Variants in CPXM2 observed in about 807,000 individuals in gnomAD.
CPXM2 encodes carboxypeptidase X, M14 family member 2, also known as inactive carboxypeptidase-like protein X2.
Under a neutral mutation model 86.1 loss-of-function variants are expected in CPXM2, and 66 were observed. That is an observed-to-expected ratio of 0.77 (90% CI 0.63 to 0.94). The LOEUF (loss-of-function observed/expected upper bound fraction) is 0.94. Among genes scored for constraint, CPXM2 ranks in the 40% least tolerant of loss-of-function variants. The pLI is 0.00. For synonymous variants in CPXM2, 388 were observed against 400.2 expected, an observed-to-expected ratio of 0.97 and a Z score of 0.36; for missense variants, 948 against 1,026.3, an observed-to-expected ratio of 0.92 and a Z score of 1.04.
At chr10:123,842,213 T>G in intron 4 of CPXM2, 136 bp downstream of exon 4, 1 of 1,174,896 alleles carries the variant, frequency 8.5e-7, no homozygotes, top group Non-Finnish European at 1.2e-6. Flanking sequence ...CAGCCTCCTG[T>G]TCATATTCCA....
At position 123,768,376 on chromosome 10, in the gene CPXM2, AAAATAAATAAATAAATAAAT is replaced by A. The variant is rs57827983; in HGVS notation, c.1299+130_1299+149del. On this transcript the variant is annotated intron_variant, in intron 9 of 13. Coordinates refer to ENST00000241305, the MANE Select transcript of CPXM2 (RefSeq NM_198148.3). ...GCAACAGAGGGAGACTCCGACTCAA[AAAATAAATAAATAAATAAAT>A]AAATAAATAAATAAATAAATAAATA... 238 of 320,098 alleles carry A rather than the reference AAAATAAATAAATAAATAAAT, an allele frequency of 7.4e-4. 6 individuals are homozygous for A. Among genetic ancestry groups the A allele is most frequent in the South Asian group, 3.1e-3 (24 of 7,808 alleles). The allele number at this position is 320,098 out of a possible 1,614,324, so 19.8% of individuals were successfully genotyped here.
At chr10:123,943,828 G>A (rs1590134601), upstream of CPXM2, among the ~76,000 whole-genome samples, 1 of 152,322 alleles carries the variant, frequency 6.6e-6, no homozygotes, top group East Asian at 1.9e-4. Context: ...CACTGTCCTG[G>A]TCCTCTTCCC....
intron 4 of CPXM2, among the ~76,000 whole-genome samples, chr10:123,835,499 T>G (rs552272597): frequency 6.6e-6 from 1 of 152,286 alleles, no homozygotes; most frequent in African/African-American, 2.4e-5. Flanking sequence ...CTACTTGAAC[T>G]TAGAGATGTT....
intron 9 of CPXM2, 138 bp downstream of exon 9, chr10:123,768,386 AAT>A (rs1465488813): frequency 1.2e-3 from 172 of 147,486 alleles, no homozygotes; most frequent in Non-Finnish European, 1.8e-3. Flanking sequence ...AAAATAAATA[AAT>A]AAATAAATAA....
At chr10:123,933,332 CT>C in intron 2 of CPXM2, among the ~76,000 whole-genome samples, 1 of 152,312 alleles carries the variant, frequency 6.6e-6, no homozygotes, top group Middle Eastern at 3.4e-3. Flanking sequence ...TGTTCTGATC[CT>C]TTGACGGCAG....
intron 2 of CPXM2, among the ~76,000 whole-genome samples, chr10:123,905,336 T>C (rs1463989255): frequency 6.6e-6 from 1 of 152,196 alleles, no homozygotes. Flanking sequence ...TGTGACCTTC[T>C]GATAAAGCCA....
rs1355476857 is a variant in CPXM2, at chr10:123,757,275, C to T, written c.1855G>A (p.Glu619Lys). The T allele has an allele frequency of 2.9e-5, 46 of 1,613,860 alleles. No individual in the cohort carries two copies. Among genetic ancestry groups the T allele is most frequent in the Non-Finnish European group, 3.9e-5 (46 of 1,179,732 alleles). Reference sequence around the variant, plus strand: ...TCCCACTCCTCGGGCAGCTGGCTCTCATGTGGGTATTTATCACAGCCCACG... The same window carrying T: ...TCCCACTCCTCGGGCAGCTGGCTCTTATGTGGGTATTTATCACAGCCCACG... ...IYVGCDKYPH[E>K]SQLPEEWENN... Residue 619 changes from glutamate (E) to lysine (K), a missense_variant, in exon 12 of 14, where the codon GAG becomes AAG. Glu to Lys is a moderately conservative substitution (Grantham distance 56). Coordinates refer to ENST00000241305, the MANE Select transcript of CPXM2 (RefSeq NM_198148.3).
intron 2 of CPXM2, among the ~76,000 whole-genome samples, chr10:123,904,443 A>G (rs1056619098): frequency 6.6e-6 from 1 of 152,226 alleles, no homozygotes; most frequent in East Asian, 1.9e-4. Context: ...AAGTGGGTAT[A>G]ACAATCGTTC....
chr10:123,910,077 G>GCT (rs1945475687), intron 2 of CPXM2, among the ~76,000 whole-genome samples: 1 of 151,956 alleles, frequency 6.6e-6, no homozygotes, highest in Non-Finnish European at 1.5e-5. Context: ...ACCATAGACA[G>GCT]GTGGGGCCAC....
chr10:123,855,189 CTGTT>C lies in CPXM2; in HGVS notation c.513+7421_513+7424del, dbSNP rs151119242. 1.8e-4 allele frequency among the ~76,000 whole-genome samples: 27 copies of C among 152,274 alleles called. No homozygotes were observed. In the Middle Eastern group the frequency reaches 0.01, roughly 58 times the overall value. Reference sequence around the variant, plus strand: ...TGGCATCCAAACACTGTCTCCCAGACTGTTTGCTTGAAGCCAGATGTAGAACAAA... The same window carrying C: ...TGGCATCCAAACACTGTCTCCCAGACTGCTTGAAGCCAGATGTAGAACAAA... On this transcript the variant is annotated intron_variant, in intron 3 of 13. Transcript: ENST00000241305.
chr10:123,864,074 G>A (rs1293421426), intron 2 of CPXM2, among the ~76,000 whole-genome samples: 1 of 152,094 alleles, frequency 6.6e-6, no homozygotes. Flanking sequence ...TGAAGCTCTT[G>A]GGCTCCCTAA....
At chr10:123,912,393 G>T (rs1422929790) in intron 2 of CPXM2, among the ~76,000 whole-genome samples, 1 of 151,906 alleles carries the variant, frequency 6.6e-6, no homozygotes, top group Admixed American at 6.6e-5. Flanking sequence ...GAAAAGTGAG[G>T]CCTGTTGCAC....
chr10:123,822,292 A>G (rs1013851029), intron 4 of CPXM2, among the ~76,000 whole-genome samples: 3 of 152,142 alleles, frequency 2.0e-5, no homozygotes, highest in African/African-American at 7.2e-5. Context: ...AATCTTTCTC[A>G]TACTAGCATA....
At chr10:123,779,575 T>C (rs987447060) in intron 7 of CPXM2, among the ~76,000 whole-genome samples, 1 of 152,220 alleles carries the variant, frequency 6.6e-6, no homozygotes, top group Admixed American at 6.5e-5. Context: ...TCTACTTTAA[T>C]TGGCCTGAGA....
chr10:123,908,395 A>G (rs1002731939), intron 2 of CPXM2, among the ~76,000 whole-genome samples: 1 of 152,202 alleles, frequency 6.6e-6, no homozygotes, highest in Non-Finnish European at 1.5e-5. Flanking sequence ...CTGTTTGCAG[A>G]TAAGCCAGAT....
rs1590095607 is a variant in CPXM2, at chr10:123,880,355, C to G, written c.305-46G>C. The stretch of plus-strand genomic sequence containing the variant: ...GCCTTTACTTTCACATACATCAGAG[C>G]TGGTTCAAGATGCTAAGAGTTCAAC... On this transcript the variant is annotated intron_variant, in intron 1 of 13. Transcript: ENST00000241305. 3 of 854,824 alleles carry G rather than the reference C, an allele frequency of 3.5e-6. No homozygotes were observed. The East Asian group carries it at 7.2e-5, about 21-fold the overall frequency. 53.0% of individuals were successfully genotyped at this position (854,824 alleles called of 1,614,324 possible).
At chr10:123,894,273 C>T (rs536783174), upstream of CPXM2, among the ~76,000 whole-genome samples, 8 of 152,316 alleles carry the variant, frequency 5.3e-5, no homozygotes, top group African/African-American at 1.9e-4. Flanking sequence ...ACCCGCTCTG[C>T]AGTGTCTGGT....
chr10:123,773,958 C>G (rs868236635), intron 7 of CPXM2, among the ~76,000 whole-genome samples: 3 of 152,186 alleles, frequency 2.0e-5, no homozygotes, highest in African/African-American at 4.8e-5. Context: ...CCTTGCCTCG[C>G]GTCACTGAAT....
intron 4 of CPXM2, among the ~76,000 whole-genome samples, chr10:123,827,480 C>G (rs189238150): frequency 6.6e-6 from 1 of 152,040 alleles, no homozygotes; most frequent in Non-Finnish European, 1.5e-5. Context: ...AATACTTAGA[C>G]GTAAACCTAA....
Sources: allele counts gnomAD v4.1 joint callset (sites outside exome capture counted in the v4.1 genomes callset), GRCh38; gene constraint gnomAD v4.1.1; transcripts MANE v1.5; gene names NCBI Gene and HGNC (gene_info 2026-07-23, HGNC 2026-07-21).